The following MCTP1 variants were observed in gnomAD, a reference collection of about 807,000 sequenced individuals.
The protein encoded by MCTP1 is multiple C2 and transmembrane domain-containing protein 1.
Under a neutral mutation model 120.6 loss-of-function variants are expected in MCTP1, and 69 were observed. That is an observed-to-expected ratio of 0.57 (90% confidence interval 0.47 to 0.70). The LOEUF (loss-of-function observed/expected upper bound fraction) is 0.70, where lower values mean the gene tolerates loss of function less well. MCTP1 is among the 30% of genes least tolerant of loss of function. The probability of loss-of-function intolerance (pLI) is 0.00; values close to 1 mark genes in which losing one functional copy is unlikely to be tolerated. For synonymous variants in MCTP1, 529 were observed against 493.1 expected (o/e 1.07, Z -0.96); for missense variants, 1,203 against 1,248.8 (o/e 0.96, Z 0.55).
At chr5:95,180,174 G>A (rs925966706) in intron 1 of MCTP1, among the ~76,000 whole-genome samples, 2 of 152,186 alleles carry the variant, frequency 1.3e-5, no homozygotes, top group African/African-American at 2.4e-5. Flanking sequence ...CCTACCAAAT[G>A]AAACAGAAGG....
At chr5:94,716,907 C>A (rs1474950300) in intron 19 of MCTP1, among the ~76,000 whole-genome samples, 2 of 151,942 alleles carry the variant, frequency 1.3e-5, no homozygotes, top group African/African-American at 4.8e-5. Context: ...AAAGAGAAAT[C>A]ATGAGAAGGC....
chr5:95,209,268 T>G (rs191960988), intron 1 of MCTP1, among the ~76,000 whole-genome samples: 63 of 152,304 alleles, frequency 4.1e-4, no homozygotes, highest in African/African-American at 1.4e-3. Flanking sequence ...CCCTGGCCAA[T>G]CAGCCATGAA....
intron 1 of MCTP1, among the ~76,000 whole-genome samples, chr5:95,193,709 CA>C (rs985434685): frequency 6.6e-5 from 10 of 151,794 alleles, no homozygotes; most frequent in Admixed American, 3.3e-4. Context: ...ATAATAGTAG[CA>C]AAAAAAGTCT....
At chr5:94,879,009 AG>A (rs1340281661) in intron 12 of MCTP1, among the ~76,000 whole-genome samples, 3 of 152,070 alleles carry the variant, frequency 2.0e-5, no homozygotes, top group Non-Finnish European at 4.4e-5. Context: ...AGAAAAGTAG[AG>A]AAACACTTCT....
chr5:95,095,006 A>AT lies in MCTP1; in HGVS notation c.721-77523dup, dbSNP rs756132693. ...TTTTTTCTTTTATTTGTTATGTTAG[A>AT]TTTTTTTTTTTTTTTTTTTTTTTTT... On this transcript the variant is annotated intron_variant, in intron 1 of 22. Coordinates refer to ENST00000515393, the MANE Select transcript of MCTP1 (RefSeq NM_024717.7). Among the ~76,000 whole-genome samples, 50 of 36,966 alleles carry AT rather than the reference A, an allele frequency of 1.4e-3. 7 individuals carry two copies. Among genetic ancestry groups the AT allele is most frequent in the East Asian group, 6.5e-3 (7 of 1,070 alleles). 24.3% of individuals were successfully genotyped at this position (36,966 alleles called of 152,430 possible).
chr5:94,763,698 G>A (rs1771878969), intron 19 of MCTP1, among the ~76,000 whole-genome samples: 1 of 152,088 alleles, frequency 6.6e-6, no homozygotes, highest in Admixed American at 6.6e-5. Flanking sequence ...CTCAATATAT[G>A]TTTATGGAAC....
intron 1 of MCTP1, among the ~76,000 whole-genome samples, chr5:95,197,322 C>T (rs780651194): frequency 6.6e-6 from 1 of 152,096 alleles, no homozygotes; most frequent in Non-Finnish European, 1.5e-5. Flanking sequence ...CTAAGAAAAC[C>T]TAAACATTGT....
At chr5:95,184,732 A>T (rs1316370304) in intron 1 of MCTP1, among the ~76,000 whole-genome samples, 1 of 152,148 alleles carries the variant, frequency 6.6e-6, no homozygotes, top group African/African-American at 2.4e-5. Flanking sequence ...GCTCCTGGGG[A>T]TAACATCACT....
At chr5:94,910,770 T>C (rs1487905431) in intron 9 of MCTP1, among the ~76,000 whole-genome samples, 2 of 141,344 alleles carry the variant, frequency 1.4e-5, no homozygotes, top group South Asian at 2.2e-4. Context: ...TAGGTACCTA[T>C]TTTTGGAATC....
At chr5:94,875,958 T>G (rs1447924788) in intron 12 of MCTP1, among the ~76,000 whole-genome samples, 1 of 152,144 alleles carries the variant, frequency 6.6e-6, no homozygotes, top group Non-Finnish European at 1.5e-5. Context: ...CTATGTTATG[T>G]TTGACTTATT....
intron 17 of MCTP1, among the ~76,000 whole-genome samples, chr5:94,861,655 T>C (rs1795806873): frequency 6.6e-6 from 1 of 151,850 alleles, no homozygotes; most frequent in Admixed American, 6.6e-5. Context: ...CTTGCCAATT[T>C]GCTCAGCATG....
chr5:94,902,318 A>C (rs1581257866), intron 10 of MCTP1, among the ~76,000 whole-genome samples: 1 of 152,196 alleles, frequency 6.6e-6, no homozygotes, highest in East Asian at 1.9e-4. Flanking sequence ...CTAGAATCAG[A>C]TCCGGCAAGA....
rs1332211523 is a variant in MCTP1, at chr5:95,284,471, G to C, written c.105C>G (p.Ser35Arg). The C allele has an allele frequency of 1.4e-6, 2 of 1,469,304 alleles. No homozygotes were observed. The highest frequency in any genetic ancestry group is 1.8e-6 in the Non-Finnish European group (2 of 1,099,254). The allele number at this position is 1,469,304 out of a possible 1,614,324, so 91.0% of individuals were successfully genotyped here. ...WKNLQLGVGRSKGGGGGRAGG... is the reference protein window; with the variant it reads ...WKNLQLGVGRRKGGGGGRAGG... ...CAGCGCGCCCGCCCCCGCCGCCCTTGCTCCTGCCCACCCCCAGCTGCAGGT... is the reference window on the plus strand; with the variant it reads ...CAGCGCGCCCGCCCCCGCCGCCCTTCCTCCTGCCCACCCCCAGCTGCAGGT... The change falls in exon 1 of 23, where the codon AGC (serine) becomes AGG (arginine). Residue 35 changes from serine to arginine, a missense_variant. Physicochemically the swap from Ser to Arg is moderately radical, Grantham distance 110. This residue lies in a region of MCTP1 where 463 missense variants were observed against 377.8 expected (regional missense o/e 1.23). Transcript: ENST00000515393. The surrounding 1 kb of genome is among the most constrained non-coding windows in gnomAD (Gnocchi z 5.2).
chr5:95,261,268 G>T (rs2152718164), intron 1 of MCTP1, among the ~76,000 whole-genome samples: 1 of 152,258 alleles, frequency 6.6e-6, no homozygotes, highest in Middle Eastern at 3.4e-3. Context: ...CACAGCTGAA[G>T]ACCATTTCCT....
chr5:95,073,154 G>A (rs575354024), intron 1 of MCTP1, among the ~76,000 whole-genome samples: 1 of 152,244 alleles, frequency 6.6e-6, no homozygotes, highest in South Asian at 2.1e-4. Flanking sequence ...CAGCAGCCCA[G>A]CTATCCTGAA....
intron 1 of MCTP1, among the ~76,000 whole-genome samples, chr5:95,170,276 C>T (rs1052717490): frequency 2.0e-4 from 30 of 152,218 alleles, no homozygotes; most frequent in Non-Finnish European, 3.1e-4. Context: ...GTCTGAGAGA[C>T]AGTTTGTTAT....
intron 2 of MCTP1, among the ~76,000 whole-genome samples, chr5:94,989,830 G>A (rs1831179827): frequency 6.6e-6 from 1 of 152,150 alleles, no homozygotes. Context: ...AACCTCCATA[G>A]AGACCCTAAA....
intron 17 of MCTP1, among the ~76,000 whole-genome samples, chr5:94,840,852 AAGCTGCATCTGG>A (rs1333497551): frequency 6.6e-6 from 1 of 152,190 alleles, no homozygotes; most frequent in Non-Finnish European, 1.5e-5. Flanking sequence ...ATTTGTTTTG[AAGCTGCATCTGG>A]ATACTAAGCA....
chr5:95,216,004 T>G (rs1194999283), intron 1 of MCTP1, among the ~76,000 whole-genome samples: 2 of 152,324 alleles, frequency 1.3e-5, no homozygotes, highest in Non-Finnish European at 2.9e-5. Context: ...TTAATGTCTA[T>G]GAACAGAAAT....
Sources: gnomAD v4.1 joint callset for allele counts (sites outside exome capture counted in the v4.1 genomes callset) on GRCh38, gnomAD v4.1.1 for gene constraint, gnomAD v4.1.1 regional missense constraint, Gnocchi (gnomAD v3.1) non-coding constraint, MANE v1.5 for transcripts, NCBI Gene and HGNC (gene_info 2026-07-23, HGNC 2026-07-21) for gene names.